OPCML: variants seen among roughly 807,000 people sequenced by gnomAD.
OPCML encodes opioid binding protein/cell adhesion molecule like.
Under a neutral mutation model 37.8 loss-of-function variants are expected in OPCML, and 13 were observed. The observed-to-expected ratio is 0.34, with a 90% CI of 0.22 to 0.55. OPCML has a LOEUF of 0.55. Ranked by LOEUF, OPCML falls within the 20% of genes least tolerant of loss-of-function variation. The pLI is 0.91. For synonymous variants in OPCML, 176 were observed against 168.8 expected, an observed-to-expected ratio of 1.04 and a Z score of -0.33; for missense variants, 341 against 435.6, an observed-to-expected ratio of 0.78 and a Z score of 1.93.
At chr11:133,001,926 G>A (rs1947013829) in intron 1 of OPCML, among the ~76,000 whole-genome samples, 1 of 152,184 alleles carries the variant, frequency 6.6e-6, no homozygotes, top group Non-Finnish European at 1.5e-5. Context: ...ATTGCCATAA[G>A]TGCCTTTGTA....
At chr11:132,775,231 G>T (rs548261136) in intron 2 of OPCML, among the ~76,000 whole-genome samples, 39 of 152,204 alleles carry the variant, frequency 2.6e-4, no homozygotes, top group Non-Finnish European at 4.9e-4. Context: ...AAGAGTTAAA[G>T]AGCTGATTTA....
At chr11:133,140,525 T>TAAGAAGAAGAAGAAGAAGAAGAAG (rs1306668854) in intron 1 of OPCML, among the ~76,000 whole-genome samples, 74 of 57,036 alleles carry the variant, frequency 1.3e-3, no homozygotes, top group African/African-American at 1.9e-3. Flanking sequence ...ATAATAATAA[T>TAAGAAGAAGAAGAAGAAGAAGAAG]AATAATAAGA....
At chr11:132,510,650 A>C (rs1243542255) in intron 4 of OPCML, among the ~76,000 whole-genome samples, 1 of 152,110 alleles carries the variant, frequency 6.6e-6, no homozygotes, top group Non-Finnish European at 1.5e-5. Flanking sequence ...TCTTGCTGCC[A>C]CCATGTAAGA....
intron 1 of OPCML, among the ~76,000 whole-genome samples, chr11:133,028,044 A>G (rs190450272): frequency 1.2e-4 from 19 of 152,112 alleles, no homozygotes; most frequent in Admixed American, 1.2e-3. Context: ...TTTCAGGTAT[A>G]AAAGTAAGGT....
chr11:133,454,931 T>G (rs531393350), intron 1 of OPCML, among the ~76,000 whole-genome samples: 1 of 152,300 alleles, frequency 6.6e-6, no homozygotes, highest in East Asian at 1.9e-4. Context: ...GTTTTTCTCA[T>G]CACTTATTTA....
intron 2 of OPCML, among the ~76,000 whole-genome samples, chr11:132,932,314 G>A (rs1945232704): frequency 2.0e-5 from 3 of 152,184 alleles, no homozygotes; most frequent in Middle Eastern, 3.4e-3. Context: ...TACATTCTAC[G>A]TATTTTTACC....
chr11:133,170,930 G>T (rs933636889), intron 1 of OPCML, among the ~76,000 whole-genome samples: 8 of 152,156 alleles, frequency 5.3e-5, no homozygotes, highest in African/African-American at 1.9e-4. Context: ...CAGACTCCCT[G>T]GGGAGACTCA....
chr11:133,042,057 C>G (rs1025795766), intron 1 of OPCML, among the ~76,000 whole-genome samples: 1 of 152,166 alleles, frequency 6.6e-6, no homozygotes, highest in Non-Finnish European at 1.5e-5. Flanking sequence ...TGGGGGGAGC[C>G]TGCTTATTCC....
intron 2 of OPCML, among the ~76,000 whole-genome samples, chr11:132,690,495 C>CT (rs1943354289): frequency 6.6e-6 from 1 of 151,912 alleles, no homozygotes; most frequent in African/African-American, 2.4e-5. Context: ...CAAAGGAAAG[C>CT]TGAGAGAGTT....
intron 1 of OPCML, among the ~76,000 whole-genome samples, chr11:132,975,937 A>AT (rs771481852): frequency 6.6e-6 from 1 of 151,964 alleles, no homozygotes; most frequent in East Asian, 1.9e-4. Flanking sequence ...TGCCCGGCTA[A>AT]TTTTTTGTAT....
intron 2 of OPCML, among the ~76,000 whole-genome samples, chr11:132,818,612 A>AGAT (rs1555193678): frequency 2.1e-5 from 1 of 46,582 alleles, no homozygotes; most frequent in Non-Finnish European, 5.1e-5. Context: ...GATAGATGAT[A>AGAT]GATAGATAGA....
intron 3 of OPCML, among the ~76,000 whole-genome samples, chr11:132,596,651 C>T (rs1248808599): frequency 1.3e-5 from 2 of 152,140 alleles, no homozygotes; most frequent in South Asian, 2.1e-4. Context: ...CAGTCTTTTG[C>T]TTCTGTGATT....
At chr11:133,458,844 G>GATACAC (rs1946788007) in intron 1 of OPCML, among the ~76,000 whole-genome samples, 3 of 146,488 alleles carry the variant, frequency 2.0e-5, no homozygotes, top group African/African-American at 7.8e-5. Flanking sequence ...TATACACATA[G>GATACAC]ATGCACGTGT....
chr11:132,422,708 T>C (rs1400724884), intron 7 of OPCML, among the ~76,000 whole-genome samples: 1 of 152,242 alleles, frequency 6.6e-6, no homozygotes, highest in Non-Finnish European at 1.5e-5. Flanking sequence ...ACAGAGCAGT[T>C]AGACATCTTA....
chr11:132,479,123 A>C (rs1394884665), intron 4 of OPCML, among the ~76,000 whole-genome samples: 12 of 152,174 alleles, frequency 7.9e-5, no homozygotes, highest in Non-Finnish European at 1.3e-4. Context: ...ATCTGAGGTA[A>C]CGGGTTCATC....
At chr11:132,682,084 C>G (rs1942969967) in intron 2 of OPCML, among the ~76,000 whole-genome samples, 1 of 152,124 alleles carries the variant, frequency 6.6e-6, no homozygotes. Flanking sequence ...TCAGGTATCC[C>G]CCCAGATGCT....
At chr11:132,996,887 T>A in intron 1 of OPCML, among the ~76,000 whole-genome samples, 1 of 152,138 alleles carries the variant, frequency 6.6e-6, no homozygotes, top group East Asian at 1.9e-4. Context: ...AGTGACAGAT[T>A]TCTATATAGT....
intron 1 of OPCML, among the ~76,000 whole-genome samples, chr11:133,244,325 G>A (rs1477815245): frequency 6.6e-6 from 1 of 152,084 alleles, no homozygotes; most frequent in Non-Finnish European, 1.5e-5. Flanking sequence ...GATTGAAGGA[G>A]ATAAACCCAA....
chr11:133,110,683 C>G lies in OPCML; in HGVS notation c.62-167673G>C, dbSNP rs1592010600. 2.0e-5 allele frequency among the ~76,000 whole-genome samples: 3 copies of G among 152,142 alleles called. No homozygotes were observed. In the South Asian group the frequency reaches 6.2e-4, roughly 31 times the overall value. ...TCATTCGTTCAGTGCTGCAGGGGCC[C>G]TAGCCTCAAACGCAGTAGCTCCAGC... On this transcript the variant is annotated intron_variant, in intron 1 of 7. Transcript: ENST00000524381.
Sources: allele counts gnomAD v4.1 joint callset (sites outside exome capture counted in the v4.1 genomes callset), GRCh38; gene constraint gnomAD v4.1.1; transcripts MANE v1.5; gene names NCBI Gene and HGNC (gene_info 2026-07-23, HGNC 2026-07-21).